The following UGT1A6 variants were observed in gnomAD, a reference collection of about 807,000 sequenced individuals.
The protein encoded by UGT1A6 is UDP glucuronosyltransferase family 1 member A6.
Under a neutral mutation model 44.4 loss-of-function variants are expected in UGT1A6, and 32 were observed. That is an observed-to-expected ratio of 0.72 (90% CI 0.54 to 0.97). The LOEUF (loss-of-function observed/expected upper bound fraction) is 0.97, where lower values mean the gene tolerates loss of function less well. UGT1A6 is among the 50% of genes least tolerant of loss of function. The probability of loss-of-function intolerance (pLI) is 0.00; values close to 1 mark genes in which losing one functional copy is unlikely to be tolerated. For synonymous variants in UGT1A6, 238 were observed against 248.5 expected, an observed-to-expected ratio of 0.96 and a Z score of 0.40; for missense variants, 685 against 661.9, an observed-to-expected ratio of 1.03 and a Z score of -0.38.
At chr2:233,730,406 G>A (rs538447912) in intron 1 of UGT1A6, among the ~76,000 whole-genome samples, 13 of 152,316 alleles carry the variant, frequency 8.5e-5, no homozygotes, top group African/African-American at 3.1e-4. Flanking sequence ...AATTACAATT[G>A]TTGACATGAT....
intron 1 of UGT1A6, among the ~76,000 whole-genome samples, chr2:233,751,321 C>T (rs551289281): frequency 6.6e-6 from 1 of 152,014 alleles, no homozygotes; most frequent in East Asian, 1.9e-4. Flanking sequence ...TTTCTGTACC[C>T]CCATTGTGTC....
rs3213726 is a variant in UGT1A6, at chr2:233,766,877, C to A, written c.862-157C>A. ...GAAGGAAGTAAAGGAGAGGAAAATG[C>A]TGTAAAACTTACATATTAATAATTT... On this transcript the variant is annotated intron_variant, in intron 1 of 4. Coordinates refer to ENST00000305139, the MANE Select transcript of UGT1A6 (RefSeq NM_001072.4). Among the ~76,000 whole-genome samples, 50 of 152,336 alleles carry A rather than the reference C, an allele frequency of 3.3e-4. No homozygotes were observed. The East Asian group carries it at 9.2e-3, about 28-fold the overall frequency.
intron 1 of UGT1A6, chr2:233,729,832 T>C: frequency 6.2e-7 from 1 of 1,613,940 alleles, no homozygotes; most frequent in Non-Finnish European, 8.5e-7. Flanking sequence ...AAGCCTTGCC[T>C]CTGAGCTTTT....
At chr2:233,768,723 C>T (rs1162218085) in intron 4 of UGT1A6, among the ~76,000 whole-genome samples, 1 of 151,234 alleles carries the variant, frequency 6.6e-6, no homozygotes, top group Non-Finnish European at 1.5e-5. Flanking sequence ...GCTGGGATTA[C>T]AGGTGTCCAC....
At chr2:233,697,557 G>T (rs1418823193) in intron 1 of UGT1A6, among the ~76,000 whole-genome samples, 2 of 146,376 alleles carry the variant, frequency 1.4e-5, no homozygotes, top group Admixed American at 6.8e-5. Flanking sequence ...TGTTTATTTA[G>T]CCTCAATTTA....
intron 1 of UGT1A6, among the ~76,000 whole-genome samples, chr2:233,765,573 A>C (rs1448763178): frequency 2.6e-5 from 4 of 152,132 alleles, no homozygotes; most frequent in Admixed American, 6.5e-5. Context: ...GCGTAGACGC[A>C]GGGAGGGGAA....
intron 1 of UGT1A6, among the ~76,000 whole-genome samples, chr2:233,697,479 C>T (rs1352633531): frequency 6.7e-6 from 1 of 150,054 alleles, no homozygotes; most frequent in Non-Finnish European, 1.5e-5. Context: ...TAGTCTAGCT[C>T]AAGGTTTGCC....
intron 1 of UGT1A6, chr2:233,750,548 G>C (rs1694498401): frequency 1.3e-5 from 2 of 151,982 alleles, no homozygotes; most frequent in African/African-American, 4.9e-5. Context: ...GTGCACATCA[G>C]AGACCTTTGC....
intron 3 of UGT1A6, 59 bp from the exon 4 acceptor site, chr2:233,768,161 T>G: frequency 1.2e-6 from 2 of 1,613,420 alleles, no homozygotes; most frequent in East Asian, 2.2e-5. Flanking sequence ...AACCTAGATG[T>G]GTCCAGCTGT....
intron 1 of UGT1A6, chr2:233,729,145 G>T (rs564123639): frequency 1.9e-6 from 3 of 1,613,372 alleles, no homozygotes; most frequent in Non-Finnish European, 2.5e-6. Flanking sequence ...AGGACTCCAG[G>T]TTCCCCTGCC....
At chr2:233,757,560 A>ATATATATATATATATATATG (rs904896556) in intron 1 of UGT1A6, among the ~76,000 whole-genome samples, 15 of 123,136 alleles carry the variant, frequency 1.2e-4, no homozygotes, top group African/African-American at 5.1e-4. Context: ...ATATATATAT[A>ATATATATATATATATATATG]TGTATATATG....
chr2:233,742,906 T>G (rs1484146320), intron 1 of UGT1A6: 79 of 166,834 alleles, frequency 4.7e-4, no homozygotes, highest in Non-Finnish European at 5.6e-4. Context: ...AAAAAGGTAA[T>G]GCTCAAAGTG....
chr2:233,767,978 A>C, intron 3 of UGT1A6, 42 bp downstream of exon 3: 1 of 1,614,204 alleles, frequency 6.2e-7, no homozygotes, highest in Admixed American at 1.7e-5. Context: ...ACCAGGGTCA[A>C]ATTAAGAAAA....
Position 233,736,712 on chromosome 2 carries a change from C to T in UGT1A6, c.862-30322C>T, listed in dbSNP as rs373789864. On this transcript the variant is annotated intron_variant, in intron 1 of 4. Coordinates refer to ENST00000305139, the MANE Select transcript of UGT1A6 (RefSeq NM_001072.4). ...ACAGATGGGGTTTTGGTGTAGATGT[C>T]CTTTTTGTTGATGTTTATGCTGTTC... Among the ~76,000 whole-genome samples, 3 of 152,156 alleles carry T rather than the reference C, an allele frequency of 2.0e-5. No individual in the cohort carries two copies. In the East Asian group the frequency reaches 5.8e-4, roughly 29 times the overall value.
intron 1 of UGT1A6, among the ~76,000 whole-genome samples, chr2:233,726,081 A>G (rs1169774855): frequency 6.6e-6 from 1 of 152,170 alleles, no homozygotes; most frequent in Non-Finnish European, 1.5e-5. Flanking sequence ...CAGGAGGATT[A>G]CTTGATCCGA....
chr2:233,717,547 C>T (rs888437914), intron 1 of UGT1A6, among the ~76,000 whole-genome samples: 1 of 152,196 alleles, frequency 6.6e-6, no homozygotes, highest in African/African-American at 2.4e-5. Flanking sequence ...TCAGCCTCAC[C>T]AGCAATGGCA....
chr2:233,743,837 G>T (rs371252305), intron 1 of UGT1A6: 2 of 1,367,128 alleles, frequency 1.5e-6, no homozygotes, highest in Non-Finnish European at 2.0e-6. Flanking sequence ...CCACTTGAGC[G>T]CCAGCTTGCG....
chr2:233,724,456 G>C (rs1266099425), intron 1 of UGT1A6, among the ~76,000 whole-genome samples: 1 of 126,638 alleles, frequency 7.9e-6, no homozygotes, highest in African/African-American at 3.1e-5. Flanking sequence ...GGCAGCTGCC[G>C]GGCGGAGGGG....
intron 1 of UGT1A6, chr2:233,729,725 C>G (rs780989099): frequency 1.1e-5 from 18 of 1,613,850 alleles, no homozygotes; most frequent in Non-Finnish European, 1.4e-5. Context: ...TTACTAACAA[C>G]CAATTCAGAC....
Sources: allele counts gnomAD v4.1 joint callset (sites outside exome capture counted in the v4.1 genomes callset), GRCh38; gene constraint gnomAD v4.1.1; transcripts MANE v1.5; gene names NCBI Gene and HGNC (gene_info 2026-07-23, HGNC 2026-07-21).